Variants in CXCL3 observed in about 807,000 individuals in gnomAD.
The protein encoded by CXCL3 is C-X-C motif chemokine ligand 3, also known as C-X-C motif chemokine 3.
CXCL3 carries 10 observed loss-of-function variants against 11.5 expected under a neutral mutation model. That is an observed-to-expected ratio of 0.87 (90% CI 0.54 to 1.48). CXCL3 has a LOEUF of 1.48. Ranked by LOEUF, CXCL3 falls within the 40% of genes most tolerant of loss-of-function variation. The pLI, the probability that CXCL3 is intolerant of heterozygous loss-of-function variation, is 0.00. For synonymous variants in CXCL3, 61 were observed against 60.9 expected (o/e 1.00, Z -0.01); for missense variants, 149 against 139.1 (o/e 1.07, Z -0.36).
In CXCL3 at chr4:74,037,167, G is replaced by T; in HGVS notation, c.*95C>A. On this transcript the variant is annotated 3_prime_UTR_variant, in exon 4 of 4. Coordinates refer to ENST00000296026, the MANE Select transcript of CXCL3 (RefSeq NM_002090.3). ...CCTTTCCAGCTGTCCCTAGAAAGCTGCTGTTCTCTTTTTCATTTTCAGCTC... is the reference window on the plus strand; with the variant it reads ...CCTTTCCAGCTGTCCCTAGAAAGCTTCTGTTCTCTTTTTCATTTTCAGCTC... 7.1e-7 allele frequency: 1 copy of T among 1,406,546 alleles called. No individual in the cohort carries two copies. Among genetic ancestry groups the T allele is most frequent in the Non-Finnish European group, 1.0e-6 (1 of 998,994 alleles). 87.1% of individuals were successfully genotyped at this position (1,406,546 alleles called of 1,614,324 possible).
intron 3 of CXCL3, 69 bp from the exon 4 acceptor site, chr4:74,037,346 T>C: frequency 6.3e-7 from 1 of 1,592,086 alleles, no homozygotes; most frequent in Admixed American, 1.7e-5. Flanking sequence ...CTGAAGTTGC[T>C]TGGAGGGATG....
rs1206061018 is a variant in CXCL3, at chr4:74,037,112, C to G, written c.*150G>C. 7.4e-6 allele frequency: 5 copies of G among 679,546 alleles called. No individual in the cohort carries two copies. Among genetic ancestry groups the G allele is most frequent in the African/African-American group, 1.8e-5 (1 of 55,264 alleles). The allele number at this position is 679,546 out of a possible 1,614,324, so 42.1% of individuals were successfully genotyped here. On this transcript the variant is annotated 3_prime_UTR_variant, in exon 4 of 4. Coordinates refer to ENST00000296026, the MANE Select transcript of CXCL3 (RefSeq NM_002090.3). ...AAATAAATACATAAATAAGTAGAAC[C>G]CTCGTAAGAAATAGTCAAACACATT...
At position 74,038,409 on chromosome 4, in the gene CXCL3, C is replaced by T; in HGVS notation, c.105G>A (p.Ala35=). The change falls in exon 2 of 4, where the codon GCG becomes GCA. Residue 35 remains alanine (A), a synonymous_variant. Coordinates refer to ENST00000296026, the MANE Select transcript of CXCL3 (RefSeq NM_002090.3). ...GGCAGCGCAGTTCAGTGACCACGGA[C>T]GCTCCTAGGGAAGAATAGACTCGCT... ...LVAASRRAAG[A]SVVTELRCQC... The T allele has an allele frequency of 6.2e-7, 1 of 1,614,022 alleles. No homozygotes were observed. Among genetic ancestry groups the T allele is most frequent in the Non-Finnish European group, 8.5e-7 (1 of 1,179,938 alleles).
chr4:74,037,357 T>C (rs1056539306), intron 3 of CXCL3, 80 bp from the exon 4 acceptor site: 192 of 1,536,770 alleles, frequency 1.2e-4, no homozygotes, highest in Admixed American at 1.8e-4. Flanking sequence ...TGGAGGGATG[T>C]CCCCATGCAG....
Position 74,038,416 on chromosome 4 carries a change from A to G in CXCL3, c.101-3T>C. The G allele has an allele frequency of 6.2e-7, 1 of 1,612,550 alleles. No homozygotes were observed. Among genetic ancestry groups the G allele is most frequent in the South Asian group, 1.1e-5 (1 of 90,898 alleles). On this transcript the variant is annotated splice_polypyrimidine_tract_variant and splice_region_variant and intron_variant, in intron 1 of 3. Coordinates refer to ENST00000296026, the MANE Select transcript of CXCL3 (RefSeq NM_002090.3). The stretch of plus-strand genomic sequence containing the variant: ...CAGTTCAGTGACCACGGACGCTCCT[A>G]GGGAAGAATAGACTCGCTGATTGAG...
chr4:74,037,807 G>A (rs927133727), intron 3 of CXCL3: 3 of 389,442 alleles, frequency 7.7e-6, no homozygotes, highest in Non-Finnish European at 1.4e-5. Flanking sequence ...AAACAGGCAG[G>A]GGGCATTTTG....
Position 74,037,114 on chromosome 4 carries a change from T to A in CXCL3, c.*148A>T. 1.4e-6 allele frequency: 1 copy of A among 719,494 alleles called. No homozygotes were observed. Among genetic ancestry groups the A allele is most frequent in the South Asian group, 1.9e-5 (1 of 51,636 alleles). 44.6% of individuals were successfully genotyped at this position (719,494 alleles called of 1,614,324 possible). Reference sequence around the variant, plus strand: ...ATAAATACATAAATAAGTAGAACCCTCGTAAGAAATAGTCAAACACATTAA... The same window carrying A: ...ATAAATACATAAATAAGTAGAACCCACGTAAGAAATAGTCAAACACATTAA... On this transcript the variant is annotated 3_prime_UTR_variant, in exon 4 of 4. Coordinates refer to ENST00000296026, the MANE Select transcript of CXCL3 (RefSeq NM_002090.3).
At chr4:74,038,206 G>A (rs1720038398) in intron 2 of CXCL3, 30 bp from the exon 3 acceptor site, 4 of 1,613,918 alleles carry the variant, frequency 2.5e-6, no homozygotes, top group Non-Finnish European at 8.5e-7. Context: ...CCGTGAGACA[G>A]GAGGTCGGGC....
chr4:74,037,422 T>G, intron 3 of CXCL3, 145 bp from the exon 4 acceptor site: 1 of 684,204 alleles, frequency 1.5e-6, no homozygotes, highest in South Asian at 2.2e-5. Flanking sequence ...CTGCCTTCTA[T>G]AGCAGAAAAC....
rs200553995 is a variant in CXCL3, at chr4:74,038,405, C to G, written c.109G>C (p.Val37Leu). Reference sequence around the variant, plus strand: ...CACTGGCAGCGCAGTTCAGTGACCACGGACGCTCCTAGGGAAGAATAGACT... The same window carrying G: ...CACTGGCAGCGCAGTTCAGTGACCAGGGACGCTCCTAGGGAAGAATAGACT... ...AASRRAAGASVVTELRCQCLQ... is the reference protein window; with the variant it reads ...AASRRAAGASLVTELRCQCLQ... The change falls in exon 2 of 4, where the codon GTG (valine) becomes CTG (leucine). Residue 37 changes from valine (V) to leucine (L), a missense_variant. Val to Leu is a conservative substitution (Grantham distance 32). Transcript: ENST00000296026. The G allele has an allele frequency of 1.9e-6, 3 of 1,613,920 alleles. No individual in the cohort carries two copies. Among genetic ancestry groups the G allele is most frequent in the African/African-American group, 1.3e-5 (1 of 74,932 alleles).
chr4:74,037,272 CT>C lies in CXCL3; in HGVS notation c.313del (p.Ser105AlafsTer16). The C allele has an allele frequency of 6.2e-7, 1 of 1,614,006 alleles. No homozygotes were observed. Among genetic ancestry groups the C allele is most frequent in the South Asian group, 1.1e-5 (1 of 91,086 alleles). ...CTTACTTCTCTCCTGTCAGTTGGTG[CT>C]CCCCCTGTGATGAGAAAAGGGTTAC... ...KIIEKILNKG[S>X]TN On this transcript the variant is annotated frameshift_variant, in exon 4 of 4. Coordinates refer to ENST00000296026, the MANE Select transcript of CXCL3 (RefSeq NM_002090.3). LOFTEE classifies it high-confidence loss of function.
At position 74,038,584 on chromosome 4, in the gene CXCL3, G is replaced by A. The variant is rs1578193038; in HGVS notation, c.28C>T (p.Pro10Ser). 7 of 1,486,598 alleles carry A rather than the reference G, an allele frequency of 4.7e-6. No individual in the cohort carries two copies. In the East Asian group the frequency reaches 1.8e-4, roughly 38 times the overall value. 92.1% of individuals were successfully genotyped at this position (1,486,598 alleles called of 1,614,324 possible). ...ACCCGCAGGAGCCGGGGATTGCTGG[G>A]GGCGGCGGAGAGCGTGGCGTGGGCC... Reference protein sequence around the residue: MAHATLSAAPSNPRLLRVAL... With the variant: MAHATLSAASSNPRLLRVAL... The change falls in exon 1 of 4, where the codon CCC becomes TCC. Residue 10 changes from proline (P) to serine (S), a missense_variant. Pro to Ser is a moderately conservative substitution (Grantham distance 74). Transcript: ENST00000296026.
chr4:74,036,891 C>T lies in CXCL3; in HGVS notation c.*371G>A. ...TCCACTAATTGCTTGCATTTCAATC[C>T]CCCCACCCTCCAGTTCCCCACCCTG... On this transcript the variant is annotated 3_prime_UTR_variant, in exon 4 of 4. Coordinates refer to ENST00000296026, the MANE Select transcript of CXCL3 (RefSeq NM_002090.3). 5.4e-6 allele frequency: 1 copy of T among 186,906 alleles called. No homozygotes were observed. The highest frequency in any genetic ancestry group is 1.1e-5 in the Non-Finnish European group (1 of 89,104). 11.6% of individuals were successfully genotyped at this position (186,906 alleles called of 1,614,324 possible). A position where few individuals can be genotyped will look rare whatever the true frequency, so the allele number is the denominator to read the frequency against.
chr4:74,037,448 C>CTTT (rs3048371), intron 3 of CXCL3, 171 bp from the exon 4 acceptor site: 20,680 of 311,406 alleles, frequency 0.066, 410 homozygotes, highest in African/African-American at 0.074. Context: ...CTCCTGAATG[C>CTTT]TTTTTTTTTT....
chr4:74,038,110 G>A lies in CXCL3; in HGVS notation c.291C>T (p.Ile97=), dbSNP rs201123855. 1.9e-6 allele frequency: 3 copies of A among 1,614,038 alleles called. No homozygotes were observed. The highest frequency in any genetic ancestry group is 2.5e-6 in the Non-Finnish European group (3 of 1,179,978). ...NPASPMVQKI[I]EKILNKGSTN ...CAACTCACTTGTTCAGTATCTTTTC[G>A]ATGATTTTCTGAACCATGGGGGATG... Residue 97 remains isoleucine, a synonymous_variant, in exon 3 of 4, where the codon ATC becomes ATT. Coordinates refer to ENST00000296026, the MANE Select transcript of CXCL3 (RefSeq NM_002090.3).
Position 74,038,497 on chromosome 4 carries a change from G to A in CXCL3, c.100+15C>T. The A allele has an allele frequency of 6.4e-7, 1 of 1,554,962 alleles. No individual in the cohort carries two copies. The highest frequency in any genetic ancestry group is 2.6e-5 in the East Asian group (1 of 38,912). On this transcript the variant is annotated intron_variant, in intron 1 of 3. Transcript: ENST00000296026. ...GCCGCGTCCGGCCCGGGGACCCCAG[G>A]GCGCCGGGACCCACCTGCTGCGCGC...
In CXCL3 at chr4:74,038,324, A is replaced by T. The variant is rs200035503; in HGVS notation, c.190T>A (p.Ser64Thr). Residue 64 changes from serine (S) to threonine (T), a missense_variant, in exon 2 of 4, where the codon TCC (serine) becomes ACC (threonine). By Grantham distance (58) the Ser-to-Thr change is moderately conservative. Coordinates refer to ENST00000296026, the MANE Select transcript of CXCL3 (RefSeq NM_002090.3). ...LKNIQSVNVR[S>T]PGPHCAQTEV... ...GTTTGGGCGCAGTGGGGTCCGGGGG[A>T]CCTTACATTCACACTTTGGATGTTC... 18 of 1,613,850 alleles carry T rather than the reference A, an allele frequency of 1.1e-5. No individual in the cohort carries two copies. The highest frequency in any genetic ancestry group is 1.5e-5 in the Non-Finnish European group (18 of 1,179,944).
In CXCL3 at chr4:74,038,625, C is replaced by G; in HGVS notation, c.-14G>C. The G allele has an allele frequency of 7.0e-7, 1 of 1,434,478 alleles. No homozygotes were observed. The highest frequency in any genetic ancestry group is 9.1e-7 in the Non-Finnish European group (1 of 1,100,116). The allele number at this position is 1,434,478 out of a possible 1,614,324, so 88.9% of individuals were successfully genotyped here. Reference sequence around the variant, plus strand: ...GGCGTGGGCCATGGGGCTCAGCAGACGCGTCGGGAAGCTGTGCGAGAAGCG... The same window carrying G: ...GGCGTGGGCCATGGGGCTCAGCAGAGGCGTCGGGAAGCTGTGCGAGAAGCG... On this transcript the variant is annotated 5_prime_UTR_variant, in exon 1 of 4. Transcript: ENST00000296026.
rs1719996485 is a variant in CXCL3 at position 74,036,603 on chromosome 4, A to T, written c.*659T>A. 1 of 152,148 alleles carries T rather than the reference A, an allele frequency of 6.6e-6. No individual in the cohort carries two copies. Among genetic ancestry groups the T allele is most frequent in the African/African-American group, 2.4e-5 (1 of 41,436 alleles). 9.4% of individuals were successfully genotyped at this position (152,148 alleles called of 1,614,324 possible). A position where few individuals can be genotyped will look rare whatever the true frequency, so the allele number is the denominator to read the frequency against. On this transcript the variant is annotated 3_prime_UTR_variant, in exon 4 of 4. Coordinates refer to ENST00000296026, the MANE Select transcript of CXCL3 (RefSeq NM_002090.3). ...CCACATAAGCCTTTTTTTTCATAAA[A>T]CTTTTATTATCATGTCATTTGTACA... is the stretch of plus-strand genomic sequence containing the variant.
Sources: allele counts gnomAD v4.1 joint callset, GRCh38; gene constraint gnomAD v4.1.1; transcripts MANE v1.5; gene names NCBI Gene and HGNC (gene_info 2026-07-23, HGNC 2026-07-21).